The following MAPK6 variants were observed in gnomAD, a reference collection of about 807,000 sequenced individuals.
The protein encoded by MAPK6 is ERK-3.
MAPK6 carries 19 observed loss-of-function variants against 59.3 expected under a neutral mutation model. That is an observed-to-expected ratio of 0.32 (90% confidence interval 0.22 to 0.47). MAPK6 has a LOEUF of 0.47. MAPK6 is among the 20% of genes least tolerant of loss of function. MAPK6 has a pLI of 1.00. For missense variants in MAPK6, 724 were observed against 847.9 expected (o/e 0.85, Z 1.81); for synonymous variants, 316 against 290.3 (o/e 1.09, Z -0.90).
intron 1 of MAPK6, among the ~76,000 whole-genome samples, chr15:52,029,076 C>T (rs932877486): frequency 3.3e-5 from 5 of 152,186 alleles, no homozygotes; most frequent in African/African-American, 7.2e-5. Flanking sequence ...GTCTCGCTGT[C>T]GTCCAGGTTG....
intron 3 of MAPK6, among the ~76,000 whole-genome samples, chr15:52,005,795 C>T: frequency 6.6e-6 from 1 of 152,140 alleles, no homozygotes; most frequent in Non-Finnish European, 1.5e-5. Flanking sequence ...CTGGGGCTTA[C>T]ACCTAGGTCT....
chr15:52,002,783 G>T (rs2057246081), intron 2 of MAPK6, among the ~76,000 whole-genome samples: 1 of 152,180 alleles, frequency 6.6e-6, no homozygotes, highest in African/African-American at 2.4e-5. Flanking sequence ...GGCTGGGGAG[G>T]CCTCAGGAGA....
chr15:52,014,096 C>T lies in MAPK6; in HGVS notation c.-632+9694C>T, dbSNP rs369928302. On this transcript the variant is annotated intron_variant, in intron 3 of 7. Coordinates refer to the MAPK6 transcript ENST00000691380. ...TTTTTTTTTTTTTCCAGATACTACC[C>T]GATGGAATCAAGCCCAGCTCAAATA... Among the ~76,000 whole-genome samples, 130 of 151,730 alleles carry T rather than the reference C, an allele frequency of 8.6e-4. 6 individuals carry two copies. Among genetic ancestry groups the T allele is most frequent in the Admixed American group, 6.9e-3 (105 of 15,246 alleles).
chr15:51,972,245 T>G (rs1406569150), intron 1 of MAPK6, among the ~76,000 whole-genome samples: 3 of 152,082 alleles, frequency 2.0e-5, no homozygotes, highest in Non-Finnish European at 4.4e-5. Flanking sequence ...TTCAAGCAAT[T>G]CTAATTCCTC....
chr15:52,023,125 A>AAC (rs1211633898), intron 1 of MAPK6, among the ~76,000 whole-genome samples: 1,794 of 150,652 alleles, frequency 0.012, 22 homozygotes, highest in African/African-American at 0.026. Context: ...AAAAAAAAAA[A>AAC]AAACCGAAAA....
chr15:52,057,317 A>C (rs1415026987), intron 3 of MAPK6: 1 of 151,988 alleles, frequency 6.6e-6, no homozygotes, highest in Non-Finnish European at 1.5e-5. Flanking sequence ...CTTTCCATCA[A>C]ACTCAGGGTA....
intron 1 of MAPK6, among the ~76,000 whole-genome samples, chr15:52,022,892 G>A (rs1315676688): frequency 6.6e-6 from 1 of 151,840 alleles, no homozygotes; most frequent in East Asian, 1.9e-4. Flanking sequence ...GGCAGATCAC[G>A]AGGTCAGGAA....
intron 3 of MAPK6, among the ~76,000 whole-genome samples, chr15:52,006,081 T>G (rs1206978413): frequency 6.6e-6 from 1 of 152,222 alleles, no homozygotes; most frequent in Non-Finnish European, 1.5e-5. Context: ...GCATTTAGTA[T>G]TGTTAGTCTA....
At chr15:52,016,174 G>A (rs997459634), upstream of MAPK6, among the ~76,000 whole-genome samples, 2 of 150,726 alleles carry the variant, frequency 1.3e-5, no homozygotes, top group African/African-American at 2.4e-5. Flanking sequence ...GCCAAGGCGG[G>A]TGGTCAGGAG....
chr15:51,975,112 A>C (rs929150523), intron 1 of MAPK6, among the ~76,000 whole-genome samples: 1 of 151,898 alleles, frequency 6.6e-6, no homozygotes, highest in East Asian at 1.9e-4. Flanking sequence ...TTCTGCTTTC[A>C]TAAGGTGAAG....
chr15:52,065,649 A>C lies in MAPK6; in HGVS notation c.*649A>C, dbSNP rs1388304241. 6.6e-6 allele frequency: 1 copy of C among 152,658 alleles called. No homozygotes were observed. Among genetic ancestry groups the C allele is most frequent in the Non-Finnish European group, 1.5e-5 (1 of 68,036 alleles). The allele number at this position is 152,658 out of a possible 1,614,324, so 9.5% of individuals were successfully genotyped here. ...TATGCATTCTTTATAGTGAAGTGTTAATACATCACATCTTATTTATTTTAG... is the reference window on the plus strand; with the variant it reads ...TATGCATTCTTTATAGTGAAGTGTTCATACATCACATCTTATTTATTTTAG... On this transcript the variant is annotated 3_prime_UTR_variant, in exon 6 of 6. Coordinates refer to ENST00000261845, the MANE Select transcript of MAPK6 (RefSeq NM_002748.4).
At chr15:52,019,045 G>C (rs1566900670), upstream of MAPK6, 1 of 152,414 alleles carries the variant, frequency 6.6e-6, no homozygotes, top group East Asian at 1.9e-4. Flanking sequence ...AAAGCCCCCA[G>C]GAGACGCCGG....
intron 1 of MAPK6, chr15:52,042,745 T>A (rs1415313662): frequency 6.6e-6 from 1 of 152,238 alleles, no homozygotes. Flanking sequence ...TCATTTCATT[T>A]GTCTATAGAA....
At chr15:52,051,062 C>CA in intron 3 of MAPK6, among the ~76,000 whole-genome samples, 1 of 151,740 alleles carries the variant, frequency 6.6e-6, no homozygotes, top group East Asian at 1.9e-4. Context: ...CCTCTATACC[C>CA]ATTTTTTTTT....
In MAPK6 at chr15:52,046,099, T is replaced by A; in HGVS notation, c.-362T>A. On this transcript the variant is annotated 5_prime_UTR_variant, in exon 2 of 6. Transcript: ENST00000261845. ...AGAAGCCTGTTGTGTGCATATTTAT[T>A]CACATTTTTGTTAAATGTTAAATCG... 4.7e-6 allele frequency: 1 copy of A among 213,482 alleles called. No homozygotes were observed. Among genetic ancestry groups the A allele is most frequent in the Non-Finnish European group, 9.4e-6 (1 of 105,866 alleles). The allele number at this position is 213,482 out of a possible 1,614,324, so 13.2% of individuals were successfully genotyped here.
intron 1 of MAPK6, among the ~76,000 whole-genome samples, chr15:52,045,186 C>G (rs976003474): frequency 2.0e-5 from 3 of 152,112 alleles, no homozygotes; most frequent in African/African-American, 7.2e-5. Flanking sequence ...TAAACTCCAA[C>G]CACTATTGTG....
chr15:52,043,732 A>G (rs979721306), intron 1 of MAPK6, among the ~76,000 whole-genome samples: 4 of 131,676 alleles, frequency 3.0e-5, no homozygotes, highest in Non-Finnish European at 4.8e-5. Context: ...TGTTGGACTT[A>G]AGTTGTTTGA....
At chr15:51,976,028 AGGCCGAGGCGGGC>A (rs1263931787) in intron 1 of MAPK6, among the ~76,000 whole-genome samples, 1 of 151,796 alleles carries the variant, frequency 6.6e-6, no homozygotes, top group African/African-American at 2.4e-5. Context: ...GCACTTTGGG[AGGCCGAGGCGGGC>A]GGATCACGAG....
chr15:52,060,620 A>G (rs986246555), intron 4 of MAPK6, among the ~76,000 whole-genome samples: 17 of 152,158 alleles, frequency 1.1e-4, no homozygotes, highest in African/African-American at 3.9e-4. Flanking sequence ...GCTGGTGTAA[A>G]TATAGCTTTC....
Sources: allele counts gnomAD v4.1 joint callset (sites outside exome capture counted in the v4.1 genomes callset), GRCh38; gene constraint gnomAD v4.1.1; transcripts MANE v1.5; gene names NCBI Gene and HGNC (gene_info 2026-07-23, HGNC 2026-07-21).